Variants in SMIM14 observed in about 807,000 individuals in gnomAD.
The protein encoded by SMIM14 is chromosome 4 open reading frame 34.
In SMIM14, 5 loss-of-function variants were observed where a neutral mutation model predicts 12.6. The observed-to-expected ratio is 0.40, with a 90% CI of 0.21 to 0.83. SMIM14 has a LOEUF of 0.83. Ranked by LOEUF, SMIM14 falls within the 40% of genes least tolerant of loss-of-function variation. The probability of loss-of-function intolerance (pLI) is 0.37; values close to 1 mark genes in which losing one functional copy is unlikely to be tolerated. For missense variants in SMIM14, 86 were observed against 119.1 expected, an observed-to-expected ratio of 0.72 and a Z score of 1.29; for synonymous variants, 30 against 40.1, an observed-to-expected ratio of 0.75 and a Z score of 0.95.
At chr4:39,624,397 G>A (rs1235740318) in intron 1 of SMIM14, among the ~76,000 whole-genome samples, 2 of 152,162 alleles carry the variant, frequency 1.3e-5, no homozygotes, top group African/African-American at 4.8e-5. Flanking sequence ...TATACAGGAA[G>A]TCACATTGTA....
intron 1 of SMIM14, among the ~76,000 whole-genome samples, 160 bp from the exon 2 acceptor site, chr4:39,605,340 T>C (rs928516911): frequency 1.3e-5 from 2 of 152,194 alleles, no homozygotes; most frequent in African/African-American, 4.8e-5. Flanking sequence ...TAATCTTATA[T>C]GAATTATGAA....
chr4:39,555,757 G>C (rs1438368598), intron 4 of SMIM14, among the ~76,000 whole-genome samples: 3 of 152,098 alleles, frequency 2.0e-5, no homozygotes, highest in African/African-American at 7.2e-5. Flanking sequence ...AATAAAATAA[G>C]ACAGGCTCAG....
chr4:39,596,948 G>A (rs1184870373), intron 2 of SMIM14, among the ~76,000 whole-genome samples: 1 of 151,964 alleles, frequency 6.6e-6, no homozygotes, highest in Non-Finnish European at 1.5e-5. Context: ...GCTAATTTTT[G>A]TATTTTTTGT....
intron 4 of SMIM14, among the ~76,000 whole-genome samples, chr4:39,553,129 C>G (rs1020415088): frequency 2.0e-5 from 3 of 149,682 alleles, no homozygotes; most frequent in African/African-American, 7.4e-5. Flanking sequence ...GGTGAGATCT[C>G]GGCTCACTGC....
At chr4:39,557,421 G>A (rs1712075477) in intron 3 of SMIM14, among the ~76,000 whole-genome samples, 1 of 151,934 alleles carries the variant, frequency 6.6e-6, no homozygotes, top group African/African-American at 2.4e-5. Flanking sequence ...TAATATTTTG[G>A]GGTAACAGAA....
chr4:39,566,572 C>A (rs1040340527), intron 3 of SMIM14, among the ~76,000 whole-genome samples: 1 of 152,022 alleles, frequency 6.6e-6, no homozygotes, highest in Non-Finnish European at 1.5e-5. Context: ...ATGGCTCATG[C>A]CTGTAATCCC....
At chr4:39,561,139 G>A (rs1316387174) in intron 3 of SMIM14, among the ~76,000 whole-genome samples, 1 of 151,946 alleles carries the variant, frequency 6.6e-6, no homozygotes, top group African/African-American at 2.4e-5. Context: ...GGGGATATAT[G>A]CAATATACTT....
At chr4:39,576,988 GT>G (rs890874734) in intron 2 of SMIM14, among the ~76,000 whole-genome samples, 14 of 151,642 alleles carry the variant, frequency 9.2e-5, no homozygotes, top group African/African-American at 3.4e-4. Flanking sequence ...TGGGATTACA[GT>G]CATGAGCCAC....
At chr4:39,565,257 G>A (rs545308868) in intron 3 of SMIM14, among the ~76,000 whole-genome samples, 1 of 152,190 alleles carries the variant, frequency 6.6e-6, no homozygotes, top group Admixed American at 6.6e-5. Flanking sequence ...AAGAGTAACA[G>A]GATTCAGATC....
Position 39,547,906 on chromosome 4 carries a change from T to A in SMIM14, c.*4220A>T, listed in dbSNP as rs1747403922. 1.5e-5 allele frequency: 1 copy of A among 67,796 alleles called. No individual in the cohort carries two copies. The highest frequency in any genetic ancestry group is 1.9e-4 in the Admixed American group (1 of 5,208). 4.2% of individuals were successfully genotyped at this position (67,796 alleles called of 1,614,324 possible). On this transcript the variant is annotated 3_prime_UTR_variant, in exon 5 of 5. Coordinates refer to ENST00000295958, the MANE Select transcript of SMIM14 (RefSeq NM_174921.3). ...TAACATGAAAAAAATGAAAAACATC[T>A]TTTTTTTTTTTTTTTTGAGACGGAG...
At chr4:39,589,402 G>A (rs955644015) in intron 2 of SMIM14, among the ~76,000 whole-genome samples, 11 of 152,150 alleles carry the variant, frequency 7.2e-5, no homozygotes, top group Admixed American at 7.2e-4. Flanking sequence ...ACAAATTTCA[G>A]TGAAGATGTA....
intron 3 of SMIM14, among the ~76,000 whole-genome samples, chr4:39,569,762 A>G (rs974959746): frequency 6.6e-6 from 1 of 152,068 alleles, no homozygotes; most frequent in African/African-American, 2.4e-5. Flanking sequence ...AAAGAAAAAA[A>G]GAAATTATTT....
chr4:39,628,681 C>CAAAA (rs79665644), intron 1 of SMIM14, among the ~76,000 whole-genome samples: 84,209 of 143,978 alleles, frequency 0.58, 24,489 homozygotes, highest in East Asian at 0.79. Context: ...GACTCCGTCT[C>CAAAA]AAACAAACAA....
intron 2 of SMIM14, among the ~76,000 whole-genome samples, chr4:39,597,946 G>T (rs1375299775): frequency 6.6e-6 from 1 of 152,176 alleles, no homozygotes; most frequent in Non-Finnish European, 1.5e-5. Context: ...AAATAGGGAA[G>T]ACTTCATTAC....
At chr4:39,582,704 A>T (rs10012884) in intron 2 of SMIM14, among the ~76,000 whole-genome samples, 30,266 of 151,896 alleles carry the variant, frequency 0.2, 3,629 homozygotes, top group South Asian at 0.32. Context: ...AAGACCAGCT[A>T]TATATTCCAG....
At position 39,550,143 on chromosome 4, in the gene SMIM14, G is replaced by A. The variant is rs191031108; in HGVS notation, c.*1983C>T. 16 of 152,208 alleles carry A rather than the reference G, an allele frequency of 1.1e-4. No homozygotes were observed. Among genetic ancestry groups the A allele is most frequent in the Non-Finnish European group, 1.2e-4 (8 of 68,016 alleles). 9.4% of individuals were successfully genotyped at this position (152,208 alleles called of 1,614,324 possible). ...TTCAATTCATACAAGTAATTTACCA[G>A]ATCTAAACAGTGAATAGACTGACCT... is the stretch of plus-strand genomic sequence containing the variant. On this transcript the variant is annotated 3_prime_UTR_variant, in exon 5 of 5. Transcript: ENST00000295958.
At chr4:39,617,291 T>TA (rs1715261690) in intron 1 of SMIM14, among the ~76,000 whole-genome samples, 1 of 152,190 alleles carries the variant, frequency 6.6e-6, no homozygotes, top group Non-Finnish European at 1.5e-5. Flanking sequence ...AAAGATGACC[T>TA]AAGTGGCCTG....
intron 1 of SMIM14, among the ~76,000 whole-genome samples, chr4:39,636,713 C>A (rs931458884): frequency 6.6e-6 from 1 of 152,052 alleles, no homozygotes; most frequent in Non-Finnish European, 1.5e-5. Context: ...AAACAACCCC[C>A]CCCCAGTGGA....
chr4:39,604,807 T>C (rs1420612000), intron 2 of SMIM14, among the ~76,000 whole-genome samples: 2 of 152,022 alleles, frequency 1.3e-5, no homozygotes, highest in Non-Finnish European at 2.9e-5. Context: ...GATGGGGTTT[T>C]GCTTTGTTGG....
Sources: allele counts gnomAD v4.1 joint callset (sites outside exome capture counted in the v4.1 genomes callset), GRCh38; gene constraint gnomAD v4.1.1; transcripts MANE v1.5; gene names NCBI Gene and HGNC (gene_info 2026-07-23, HGNC 2026-07-21).